The following NELL1 variants were observed in gnomAD, a reference collection of about 807,000 sequenced individuals.
NELL1 encodes protein kinase C-binding protein NELL1.
Under a neutral mutation model 107.4 loss-of-function variants are expected in NELL1, and 76 were observed. The observed-to-expected ratio is 0.71, with a 90% CI of 0.59 to 0.86. The LOEUF (loss-of-function observed/expected upper bound fraction) is 0.86, where lower values mean the gene tolerates loss of function less well. NELL1 is among the 40% of genes least tolerant of loss of function. The pLI, the probability that NELL1 is intolerant of heterozygous loss-of-function variation, is 0.00. For missense variants in NELL1, 1,024 were observed against 1,005.5 expected (o/e 1.02, Z -0.25); for synonymous variants, 353 against 341.2 (o/e 1.03, Z -0.38).
chr11:20,710,472 A>T (rs532470820), intron 2 of NELL1, among the ~76,000 whole-genome samples: 64 of 152,246 alleles, frequency 4.2e-4, no homozygotes, highest in African/African-American at 1.5e-3. Context: ...GGATTTTTGC[A>T]TCTGTGTTCA....
chr11:20,992,948 C>T (rs563703648), intron 12 of NELL1, among the ~76,000 whole-genome samples: 2 of 151,972 alleles, frequency 1.3e-5, no homozygotes, highest in South Asian at 2.1e-4. Flanking sequence ...CTCTTGACCT[C>T]GTGATCCGCC....
chr11:21,412,802 T>C (rs1335268608), intron 15 of NELL1, among the ~76,000 whole-genome samples: 3 of 151,748 alleles, frequency 2.0e-5, no homozygotes, highest in African/African-American at 4.8e-5. Context: ...GAAGGGAGGG[T>C]GACATGGTGG....
chr11:21,423,412 G>A (rs1254259276), intron 15 of NELL1, among the ~76,000 whole-genome samples: 1 of 151,572 alleles, frequency 6.6e-6, no homozygotes, highest in African/African-American at 2.4e-5. Flanking sequence ...GTTAATAAAA[G>A]TTTCAATATA....
At chr11:20,784,798 T>C (rs1856921118) in intron 3 of NELL1, among the ~76,000 whole-genome samples, 1 of 152,136 alleles carries the variant, frequency 6.6e-6, no homozygotes, top group Non-Finnish European at 1.5e-5. Context: ...CGAGGTTTTG[T>C]GGAGAAATCA....
At chr11:20,956,794 C>T (rs992116226) in intron 11 of NELL1, among the ~76,000 whole-genome samples, 6 of 152,114 alleles carry the variant, frequency 3.9e-5, no homozygotes, top group Admixed American at 3.3e-4. Context: ...TGTGAGAACA[C>T]AGTATGTGAT....
At chr11:20,846,545 G>A (rs745932051) in intron 3 of NELL1, among the ~76,000 whole-genome samples, 6 of 152,138 alleles carry the variant, frequency 3.9e-5, no homozygotes, top group Non-Finnish European at 5.9e-5. Context: ...AGTGCCTGGT[G>A]AGGCTATCCT....
chr11:20,812,630 C>T (rs1284297090), intron 3 of NELL1, among the ~76,000 whole-genome samples: 1 of 152,112 alleles, frequency 6.6e-6, no homozygotes, highest in Non-Finnish European at 1.5e-5. Context: ...ATTTAGCATG[C>T]TGGCATTTAT....
chr11:20,986,228 C>G (rs1411639186), intron 12 of NELL1, among the ~76,000 whole-genome samples: 6 of 152,184 alleles, frequency 3.9e-5, no homozygotes, highest in Non-Finnish European at 7.3e-5. Flanking sequence ...TCAAGTTAGT[C>G]TCAAAAGAGA....
intron 13 of NELL1, among the ~76,000 whole-genome samples, chr11:21,128,806 T>C (rs1855548898): frequency 6.6e-6 from 1 of 152,144 alleles, no homozygotes; most frequent in African/African-American, 2.4e-5. Context: ...CAAGTCAAGA[T>C]TTACCCTGTA....
intron 14 of NELL1, among the ~76,000 whole-genome samples, chr11:21,293,092 T>C (rs1319931996): frequency 6.6e-6 from 1 of 152,084 alleles, no homozygotes; most frequent in Non-Finnish European, 1.5e-5. Context: ...CTAAATAAAC[T>C]GAAGAGCTTC....
chr11:21,115,803 C>A (rs564931692), intron 13 of NELL1, among the ~76,000 whole-genome samples: 3 of 152,050 alleles, frequency 2.0e-5, no homozygotes, highest in African/African-American at 7.2e-5. Flanking sequence ...CTGCCCCCAC[C>A]AACATACACT....
At chr11:20,751,716 C>T (rs1189786722) in intron 2 of NELL1, among the ~76,000 whole-genome samples, 1 of 151,984 alleles carries the variant, frequency 6.6e-6, no homozygotes. Context: ...TTTTGAGCTC[C>T]TGGCCTCAAG....
At chr11:21,007,538 A>C (rs1479172558) in intron 12 of NELL1, among the ~76,000 whole-genome samples, 1 of 151,922 alleles carries the variant, frequency 6.6e-6, no homozygotes, top group Non-Finnish European at 1.5e-5. Flanking sequence ...TTTTGCATGC[A>C]TATCTTACAC....
intron 2 of NELL1, among the ~76,000 whole-genome samples, chr11:20,678,355 T>G (rs575796759): frequency 2.5e-4 from 38 of 152,292 alleles, no homozygotes; most frequent in Non-Finnish European, 1.9e-4. Flanking sequence ...ATATTATTGT[T>G]ACAGGACATT....
chr11:21,148,274 T>C (rs1396225480), intron 13 of NELL1, among the ~76,000 whole-genome samples: 1 of 152,220 alleles, frequency 6.6e-6, no homozygotes, highest in East Asian at 1.9e-4. Context: ...GTTGTGGTTG[T>C]GCATATGAAT....
intron 15 of NELL1, among the ~76,000 whole-genome samples, chr11:21,413,650 G>C (rs1852433420): frequency 6.6e-6 from 1 of 152,118 alleles, no homozygotes; most frequent in African/African-American, 2.4e-5. Flanking sequence ...GCCTGTGTCT[G>C]TTTGCACACC....
chr11:21,184,311 C>A (rs777292605), intron 13 of NELL1, among the ~76,000 whole-genome samples: 3 of 151,658 alleles, frequency 2.0e-5, no homozygotes, highest in Non-Finnish European at 4.4e-5. Context: ...CTTTTTCACC[C>A]AGGCTGGAGT....
chr11:21,102,419 C>T (rs985712170), intron 12 of NELL1, among the ~76,000 whole-genome samples: 3 of 152,146 alleles, frequency 2.0e-5, no homozygotes, highest in African/African-American at 7.2e-5. Flanking sequence ...AGAAGCACCA[C>T]ATTAGGAGCC....
chr11:20,685,189 TAA>T (rs1854277964), intron 2 of NELL1, among the ~76,000 whole-genome samples: 1 of 152,192 alleles, frequency 6.6e-6, no homozygotes, highest in South Asian at 2.1e-4. Context: ...CTCAGAGCAG[TAA>T]GCTATGGTAA....
Sources: allele counts gnomAD v4.1 joint callset (sites outside exome capture counted in the v4.1 genomes callset), GRCh38; gene constraint gnomAD v4.1.1; transcripts MANE v1.5; gene names NCBI Gene and HGNC (gene_info 2026-07-23, HGNC 2026-07-21).